Variants in PRUNE1 observed in about 807,000 individuals in gnomAD.
PRUNE1 encodes exopolyphosphatase PRUNE1.
Under a neutral mutation model 42.5 loss-of-function variants are expected in PRUNE1, and 25 were observed. The ratio of observed to expected loss-of-function variants is 0.59; its 90% CI spans 0.43 to 0.82. The LOEUF (loss-of-function observed/expected upper bound fraction) is 0.82, where lower values mean the gene tolerates loss of function less well. PRUNE1 is among the 40% of genes least tolerant of loss of function. The pLI is 0.00. For synonymous variants in PRUNE1, 203 were observed against 217.1 expected (o/e 0.93, Z 0.57); for missense variants, 443 against 539.3 (o/e 0.82, Z 1.77).
In PRUNE1 at chr1:151,024,628, A is replaced by C; in HGVS notation, c.353A>C (p.Glu118Ala). The C allele has an allele frequency of 6.2e-7, 1 of 1,609,734 alleles. No homozygotes were observed. ...CTCCACAGAAGTGACACAGCCCTAG[A>C]GGAGGCAGTAGCAGAGGTGCTAGAC... Reference protein sequence around the residue: ...HILSKSDTALEEAVAEVLDHR... With the variant: ...HILSKSDTALAEAVAEVLDHR... Residue 118 changes from glutamate (E) to alanine (A), a missense_variant, in exon 4 of 8, where the codon GAG becomes GCG. Transcript: ENST00000271620.
At position 151,035,082 on chromosome 1, in the gene PRUNE1, C is replaced by T. The variant is rs1321833014; in HGVS notation, c.*848C>T. The T allele has an allele frequency of 6.6e-6, 1 of 152,142 alleles. No individual in the cohort carries two copies. The highest frequency in any genetic ancestry group is 1.9e-4 in the East Asian group (1 of 5,196). 9.4% of individuals were successfully genotyped at this position (152,142 alleles called of 1,614,324 possible). A position where few individuals can be genotyped will look rare whatever the true frequency, so the allele number is the denominator to read the frequency against. On this transcript the variant is annotated 3_prime_UTR_variant, in exon 8 of 8. Transcript: ENST00000271620. ...AATTTCTTGTCAATCTCTTTTTTTC[C>T]TTGCTCACATTAAAAGGAAGCATGG...
chr1:151,011,141 G>C (rs55754974), intron 1 of PRUNE1, among the ~76,000 whole-genome samples: 2,656 of 152,236 alleles, frequency 0.017, 54 homozygotes, highest in African/African-American at 0.061. Context: ...ACACTCTTAA[G>C]TTTGAATGTT....
Position 151,034,255 on chromosome 1 carries a change from A to T in PRUNE1, c.*21A>T. The T allele has an allele frequency of 6.3e-7, 1 of 1,595,576 alleles. No individual in the cohort carries two copies. Among genetic ancestry groups the T allele is most frequent in the East Asian group, 2.2e-5 (1 of 44,484 alleles). ...AGTGACTGTTGAGAGGCGAGGAGGT[A>T]GTGGGTGAGGCTACCTGACTCACTT... is the stretch of plus-strand genomic sequence containing the variant. On this transcript the variant is annotated 3_prime_UTR_variant, in exon 8 of 8. Coordinates refer to ENST00000271620, the MANE Select transcript of PRUNE1 (RefSeq NM_021222.3).
chr1:151,018,423 C>G (rs780319793), intron 2 of PRUNE1, 44 bp from the exon 3 acceptor site: 1 of 1,514,686 alleles, frequency 6.6e-7, no homozygotes, highest in African/African-American at 1.4e-5. Context: ...TTTTTCCTGT[C>G]ATTATAAAAC....
At position 151,034,386 on chromosome 1, in the gene PRUNE1, A is replaced by C. The variant is rs1675435860; in HGVS notation, c.*152A>C. On this transcript the variant is annotated 3_prime_UTR_variant, in exon 8 of 8. Coordinates refer to ENST00000271620, the MANE Select transcript of PRUNE1 (RefSeq NM_021222.3). ...ACTGAGAGGAGAAAAAAAGTGAAAG[A>C]AAGCAGCTGCTTTAAGAATGGTTTT... is the stretch of plus-strand genomic sequence containing the variant. The C allele has an allele frequency of 1.3e-6, 1 of 776,690 alleles. No homozygotes were observed. Among genetic ancestry groups the C allele is most frequent in the African/African-American group, 1.8e-5 (1 of 57,104 alleles). 48.1% of individuals were successfully genotyped at this position (776,690 alleles called of 1,614,324 possible).
At position 151,018,368 on chromosome 1, in the gene PRUNE1, T is replaced by C. The variant is rs587766783; in HGVS notation, c.133-99T>C. 10 of 1,046,986 alleles carry C rather than the reference T, an allele frequency of 9.6e-6. No individual in the cohort carries two copies. In the East Asian group the frequency reaches 2.1e-4, roughly 22 times the overall value. The allele number at this position is 1,046,986 out of a possible 1,614,324, so 64.9% of individuals were successfully genotyped here. A position where few individuals can be genotyped will look rare whatever the true frequency, so the allele number is the denominator to read the frequency against. ...GTACTTATGGCTTTGAGAAAGGTGG[T>C]AACTTACCTAAGTATGTCTCCTTTG... On this transcript the variant is annotated intron_variant, in intron 2 of 7. Coordinates refer to ENST00000271620, the MANE Select transcript of PRUNE1 (RefSeq NM_021222.3).
Position 151,033,983 on chromosome 1 carries a change from GGA to G in PRUNE1, c.1112_1113del (p.Gly371AlafsTer3). The G allele has an allele frequency of 6.2e-7, 1 of 1,614,124 alleles. No individual in the cohort carries two copies. The highest frequency in any genetic ancestry group is 8.5e-7 in the Non-Finnish European group (1 of 1,179,982). On this transcript the variant is annotated frameshift_variant, in exon 8 of 8. Transcript: ENST00000271620. LOFTEE classifies it high-confidence loss of function. ...TTTTGACTCCATGAAGATCCCTTCAGGACAGCCTGAGACAGCAGATGTGTCCA... is the reference window on the plus strand; with the variant it reads ...TTTTGACTCCATGAAGATCCCTTCAGCAGCCTGAGACAGCAGATGTGTCCA... ...AYFDSMKIPS[G>X]QPETADVSRE...
At chr1:151,032,732 T>C (rs1466582124) in intron 7 of PRUNE1, among the ~76,000 whole-genome samples, 1 of 146,640 alleles carries the variant, frequency 6.8e-6, no homozygotes, top group African/African-American at 2.5e-5. Context: ...AAAAAAATAC[T>C]GTGTATATTA....
At chr1:151,008,940 A>G (rs1673555457) in intron 1 of PRUNE1, 2 of 625,392 alleles carry the variant, frequency 3.2e-6, no homozygotes, top group East Asian at 6.6e-5. Flanking sequence ...TTGGGTCTGA[A>G]TCCTGCATTT....
intron 4 of PRUNE1, among the ~76,000 whole-genome samples, chr1:151,025,178 G>A (rs1674748905): frequency 1.3e-5 from 2 of 151,034 alleles, no homozygotes. Flanking sequence ...GAGAGAGAGA[G>A]TGAGTTGGAC....
chr1:151,015,658 G>A (rs911725730), intron 1 of PRUNE1, among the ~76,000 whole-genome samples: 7 of 145,766 alleles, frequency 4.8e-5, no homozygotes, highest in African/African-American at 1.8e-4. Context: ...AAAAAAATTA[G>A]TCGGGCATGG....
intron 4 of PRUNE1, 110 bp from the exon 5 acceptor site, chr1:151,025,405 C>A: frequency 9.2e-7 from 1 of 1,092,008 alleles, no homozygotes; most frequent in Non-Finnish European, 1.3e-6. Flanking sequence ...AGAGATTTTG[C>A]TATACAAATC....
intron 1 of PRUNE1, among the ~76,000 whole-genome samples, chr1:151,014,476 G>C (rs1673978653): frequency 6.6e-6 from 1 of 152,202 alleles, no homozygotes; most frequent in Admixed American, 6.5e-5. Flanking sequence ...TGGGGCAATT[G>C]ATACCACCAG....
intron 1 of PRUNE1, among the ~76,000 whole-genome samples, chr1:151,016,898 C>A (rs587751588): frequency 6.6e-6 from 1 of 151,694 alleles, no homozygotes; most frequent in South Asian, 2.1e-4. Flanking sequence ...CGGTGGCTCA[C>A]GCCTGTAATC....
chr1:151,015,349 A>C (rs1192669069), intron 1 of PRUNE1, among the ~76,000 whole-genome samples: 18 of 138,688 alleles, frequency 1.3e-4, no homozygotes, highest in African/African-American at 4.4e-4. Flanking sequence ...AAAAAAAAAA[A>C]CAAGGGCCGG....
At chr1:151,015,803 A>G (rs1674075168) in intron 1 of PRUNE1, among the ~76,000 whole-genome samples, 1 of 152,104 alleles carries the variant, frequency 6.6e-6, no homozygotes, top group Non-Finnish European at 1.5e-5. Context: ...ACCCTGTCTC[A>G]AAAAGTAAAA....
chr1:151,031,878 C>T (rs988288353), intron 7 of PRUNE1, among the ~76,000 whole-genome samples: 1 of 152,164 alleles, frequency 6.6e-6, no homozygotes, highest in African/African-American at 2.4e-5. Flanking sequence ...TTACTCACAA[C>T]CATCTTACTT....
chr1:151,021,614 AT>A (rs1429011633), intron 3 of PRUNE1, among the ~76,000 whole-genome samples: 2 of 151,914 alleles, frequency 1.3e-5, no homozygotes, highest in Admixed American at 1.3e-4. Context: ...TCCTGCTAAT[AT>A]TTTTTTCTTG....
Position 151,018,872 on chromosome 1 carries a change from G to A in PRUNE1, c.335+203G>A, listed in dbSNP as rs1275449601. ...AGCCTGGACAACATGGCAAAACCCC[G>A]TCTCTACTAAAAATATAAAAATTAG... On this transcript the variant is annotated intron_variant, in intron 3 of 7. Coordinates refer to ENST00000271620, the MANE Select transcript of PRUNE1 (RefSeq NM_021222.3). 3.9e-5 allele frequency among the ~76,000 whole-genome samples: 6 copies of A among 152,016 alleles called. No individual in the cohort carries two copies. The South Asian group carries it at 1.0e-3, about 26-fold the overall frequency.
Sources: gnomAD v4.1 joint callset for allele counts (sites outside exome capture counted in the v4.1 genomes callset) on GRCh38, gnomAD v4.1.1 for gene constraint, MANE v1.5 for transcripts, NCBI Gene and HGNC (gene_info 2026-07-23, HGNC 2026-07-21) for gene names.